CACNB2: variants seen among roughly 807,000 people sequenced by gnomAD.
The protein encoded by CACNB2 is voltage-dependent L-type calcium channel subunit beta-2.
Under a neutral mutation model 73.3 loss-of-function variants are expected in CACNB2, and 42 were observed. That is an observed-to-expected ratio of 0.57 (90% CI 0.45 to 0.74). The LOEUF is 0.74. CACNB2 is among the 30% of genes least tolerant of loss of function. The pLI is 0.00. For synonymous variants in CACNB2, 348 were observed against 310.3 expected (o/e 1.12, Z -1.28); for missense variants, 940 against 853.0 (o/e 1.10, Z -1.27).
At chr10:18,219,885 C>T (rs2035662290) in intron 2 of CACNB2, among the ~76,000 whole-genome samples, 1 of 150,566 alleles carries the variant, frequency 6.6e-6, no homozygotes, top group South Asian at 2.1e-4. Flanking sequence ...TTCTCCGCCT[C>T]AAGCTTCCCG....
intron 3 of CACNB2, among the ~76,000 whole-genome samples, chr10:18,469,226 G>A (rs532256550): frequency 5.9e-5 from 9 of 152,132 alleles, no homozygotes; most frequent in Middle Eastern, 3.4e-3. Flanking sequence ...GGTGACAGAG[G>A]GAGACCCTGT....
intron 2 of CACNB2, among the ~76,000 whole-genome samples, chr10:18,359,653 T>C (rs1210258008): frequency 6.6e-6 from 1 of 151,834 alleles, no homozygotes. Flanking sequence ...GTGCAGAACA[T>C]GCAGGTTTGT....
At chr10:18,191,342 C>A (rs1564331203) in intron 2 of CACNB2, among the ~76,000 whole-genome samples, 2 of 152,184 alleles carry the variant, frequency 1.3e-5, no homozygotes, top group Admixed American at 1.3e-4. Context: ...CACCAGCTGC[C>A]CCCCGTGTAT....
chr10:18,474,124 A>G (rs1471106993), intron 3 of CACNB2, among the ~76,000 whole-genome samples: 1 of 152,212 alleles, frequency 6.6e-6, no homozygotes. Flanking sequence ...AAAACATATA[A>G]TTATAGTTTT....
intron 2 of CACNB2, among the ~76,000 whole-genome samples, chr10:18,302,981 CTT>C (rs921902879): frequency 2.6e-5 from 4 of 152,210 alleles, no homozygotes; most frequent in Admixed American, 2.6e-4. Context: ...TCATAAAGCT[CTT>C]TTATAGTTTC....
At chr10:18,143,241 G>C (rs1485452196) in intron 1 of CACNB2, among the ~76,000 whole-genome samples, 3 of 152,316 alleles carry the variant, frequency 2.0e-5, no homozygotes, top group South Asian at 4.1e-4. Flanking sequence ...TATTCACTTG[G>C]AAATGTTCTG....
At chr10:18,392,848 C>T (rs2132463360) in intron 2 of CACNB2, among the ~76,000 whole-genome samples, 1 of 152,198 alleles carries the variant, frequency 6.6e-6, no homozygotes, top group Admixed American at 6.5e-5. Flanking sequence ...TGCTCCCTGC[C>T]TACTTGTTTT....
At chr10:18,314,874 A>G (rs2040100857) in intron 2 of CACNB2, among the ~76,000 whole-genome samples, 1 of 151,890 alleles carries the variant, frequency 6.6e-6, no homozygotes, top group Non-Finnish European at 1.5e-5. Context: ...AAAAACACTT[A>G]CACTAAAAAC....
chr10:18,178,629 G>C (rs780736234), intron 2 of CACNB2, among the ~76,000 whole-genome samples: 4 of 152,186 alleles, frequency 2.6e-5, no homozygotes, highest in Non-Finnish European at 5.9e-5. Context: ...CATTTAGCAT[G>C]GGTGATAGAA....
intron 2 of CACNB2, among the ~76,000 whole-genome samples, chr10:18,338,861 C>T (rs1353111033): frequency 6.6e-6 from 1 of 151,396 alleles, no homozygotes; most frequent in Non-Finnish European, 1.5e-5. Context: ...AACTCAGCCT[C>T]CCAAGTAGCT....
intron 3 of CACNB2, among the ~76,000 whole-genome samples, chr10:18,419,517 TCC>T (rs1263222612): frequency 3.3e-5 from 5 of 152,176 alleles, no homozygotes. Flanking sequence ...TACCACATGG[TCC>T]ATCTACTGAA....
intron 2 of CACNB2, among the ~76,000 whole-genome samples, chr10:18,160,227 T>A (rs2032358123): frequency 6.6e-6 from 1 of 152,164 alleles, no homozygotes. Context: ...CATATATTAT[T>A]TTTAGGTATT....
At chr10:18,506,441 G>T (rs779335527) in intron 5 of CACNB2, 30 bp from the exon 6 acceptor site, 1 of 1,288,068 alleles carries the variant, frequency 7.8e-7, no homozygotes, top group East Asian at 2.3e-5. Flanking sequence ...ATAAGTGTCA[G>T]ATTTAATAGA....
At chr10:18,326,415 T>G (rs1309334097) in intron 2 of CACNB2, among the ~76,000 whole-genome samples, 1 of 152,224 alleles carries the variant, frequency 6.6e-6, no homozygotes, top group Non-Finnish European at 1.5e-5. Context: ...TGCTCTTTTT[T>G]GGTAACTTAT....
At chr10:18,267,043 T>C (rs2037841038) in intron 2 of CACNB2, among the ~76,000 whole-genome samples, 1 of 152,164 alleles carries the variant, frequency 6.6e-6, no homozygotes, top group South Asian at 2.1e-4. Context: ...TGTATATATA[T>C]CTGTCTCCTT....
intron 2 of CACNB2, among the ~76,000 whole-genome samples, chr10:18,161,786 G>T (rs184166044): frequency 6.6e-6 from 1 of 152,026 alleles, no homozygotes; most frequent in African/African-American, 2.4e-5. Context: ...AAAATTAGCC[G>T]GGCATGGTGG....
intron 2 of CACNB2, among the ~76,000 whole-genome samples, chr10:18,193,231 A>G (rs1352501690): frequency 2.0e-5 from 3 of 149,948 alleles, no homozygotes; most frequent in African/African-American, 7.4e-5. Flanking sequence ...AATAAATTAT[A>G]TAATAATCCT....
rs111687661 is a variant in CACNB2, at chr10:18,386,806, T to C, written c.214-15118T>C. Among the ~76,000 whole-genome samples, 713 of 152,270 alleles carry C rather than the reference T, an allele frequency of 4.7e-3. 8 individuals are homozygous for C. The highest frequency in any genetic ancestry group is 0.016 in the African/African-American group (660 of 41,556). ...TAAGAGAGCTAGGTACTGGAAGCTA[T>C]TGGAGAACAGAGAATATGTCATCTA... On this transcript the variant is annotated intron_variant, in intron 2 of 13. Coordinates refer to ENST00000324631, the MANE Select transcript of CACNB2 (RefSeq NM_201596.3).
intron 3 of CACNB2, among the ~76,000 whole-genome samples, chr10:18,450,491 A>G (rs1365810504): frequency 6.6e-6 from 1 of 152,252 alleles, no homozygotes; most frequent in Middle Eastern, 3.4e-3. Context: ...AAGGCAGAGA[A>G]GATGTGGGCC....
Sources: allele counts gnomAD v4.1 joint callset (sites outside exome capture counted in the v4.1 genomes callset), GRCh38; gene constraint gnomAD v4.1.1; transcripts MANE v1.5; gene names NCBI Gene and HGNC (gene_info 2026-07-23, HGNC 2026-07-21).